H4C3: variants seen among roughly 807,000 people sequenced by gnomAD.
The protein encoded by H4C3 is H4 clustered histone 3.
Under a neutral mutation model 5.3 loss-of-function variants are expected in H4C3, and 10 were observed. That is an observed-to-expected ratio of 1.87 (90% CI 1.16 to 3.18). The LOEUF is 3.18. Among genes scored for constraint, H4C3 ranks in the 30% most tolerant of loss-of-function variants. The pLI is 0.00. For missense variants in H4C3, 191 were observed against 152.5 expected, an observed-to-expected ratio of 1.25 and a Z score of -1.33; for synonymous variants, 133 against 56.8, an observed-to-expected ratio of 2.34 and a Z score of -6.03.
At position 26,104,098 on chromosome 6, in the gene H4C3, A is replaced by T; in HGVS notation, c.151A>T (p.Ile51Phe). The T allele has an allele frequency of 6.2e-7, 1 of 1,614,124 alleles. No individual in the cohort carries two copies. ...RGGVKRISGL[I>F]YEETRGVLKV... ...TGGCGTCAAGCGCATTTCCGGTCTTATCTATGAGGAGACTCGAGGTGTGCT... is the reference window on the plus strand; with the variant it reads ...TGGCGTCAAGCGCATTTCCGGTCTTTTCTATGAGGAGACTCGAGGTGTGCT... The change falls in exon 1 of 1, where the codon ATC (isoleucine) becomes TTC (phenylalanine). Residue 51 changes from isoleucine (I) to phenylalanine (F), a missense_variant. By Grantham distance (21) the Ile-to-Phe change is conservative (BLOSUM62 0). Coordinates refer to ENST00000377803, the MANE Select transcript of H4C3 (RefSeq NM_003542.4).
In H4C3 at chr6:26,104,191, G is replaced by A; in HGVS notation, c.244G>A (p.Val82Ile). The A allele has an allele frequency of 6.2e-7, 1 of 1,614,122 alleles. No individual in the cohort carries two copies. The highest frequency in any genetic ancestry group is 1.7e-5 in the Admixed American group (1 of 60,030). Residue 82 changes from valine to isoleucine, a missense_variant, in exon 1 of 1, where the codon GTC (valine) becomes ATC (isoleucine). By Grantham distance (29) the Val-to-Ile change is conservative (BLOSUM62 3). Transcript: ENST00000377803. ...TYTEHAKRKT[V>I]TAMDVVYALK... is the part of the protein sequence containing the mutation. The stretch of plus-strand genomic sequence containing the variant: ...TACGGAGCACGCCAAGCGCAAAACT[G>A]TCACAGCCATGGATGTAGTATATGC...
rs1763194582 is a variant in H4C3, at chr6:26,104,048, C to G, written c.101C>G (p.Ala34Gly). 1.2e-6 allele frequency: 2 copies of G among 1,614,064 alleles called. No individual in the cohort carries two copies. The highest frequency in any genetic ancestry group is 1.7e-6 in the Non-Finnish European group (2 of 1,180,042). The change falls in exon 1 of 1, where the codon GCT becomes GGT. Residue 34 changes from alanine to glycine, a missense_variant. Ala to Gly is a moderately conservative substitution (Grantham distance 60, BLOSUM62 0). Coordinates refer to ENST00000377803, the MANE Select transcript of H4C3 (RefSeq NM_003542.4). The part of the protein sequence containing the change: ...RDNIQGITKP[A>G]IRRLARRGGV... ...AACATCCAGGGCATTACAAAACCGG[C>G]TATTCGCCGTTTGGCTCGGCGCGGT... is the stretch of plus-strand genomic sequence containing the variant.
chr6:26,104,203 G>C lies in H4C3; in HGVS notation c.256G>C (p.Asp86His), dbSNP rs760454062. Residue 86 changes from aspartate (D) to histidine (H), a missense_variant, in exon 1 of 1, where the codon GAT becomes CAT. By Grantham distance (81) the Asp-to-His change is moderately conservative. Transcript: ENST00000377803. ...HAKRKTVTAM[D>H]VVYALKRQGR... is the part of the protein sequence containing the mutation. Reference sequence around the variant, plus strand: ...CAAGCGCAAAACTGTCACAGCCATGGATGTAGTATATGCCCTAAAACGTCA... The same window carrying C: ...CAAGCGCAAAACTGTCACAGCCATGCATGTAGTATATGCCCTAAAACGTCA... 1.9e-6 allele frequency: 3 copies of C among 1,614,114 alleles called. No individual in the cohort carries two copies. Among genetic ancestry groups the C allele is most frequent in the Non-Finnish European group, 2.5e-6 (3 of 1,179,974 alleles).
chr6:26,103,992 T>C lies in H4C3; in HGVS notation c.45T>C (p.Gly15=). 1 of 1,613,846 alleles carries C rather than the reference T, an allele frequency of 6.2e-7. No homozygotes were observed. The highest frequency in any genetic ancestry group is 1.7e-5 in the Admixed American group (1 of 60,024). The change falls in exon 1 of 1, where the codon GGT becomes GGC. Residue 15 remains glycine, a synonymous_variant. Transcript: ENST00000377803. ...GKGGKGLGKG[G]AKRHRKVLRD... ...GCGGAAAAGGCTTGGGGAAGGGTGGTGCTAAGCGCCATCGTAAGGTGCTCC... is the reference window on the plus strand; with the variant it reads ...GCGGAAAAGGCTTGGGGAAGGGTGGCGCTAAGCGCCATCGTAAGGTGCTCC...
chr6:26,104,336 C>A lies in H4C3; in HGVS notation c.*77C>A, dbSNP rs757363451. The A allele has an allele frequency of 2.0e-5, 26 of 1,330,618 alleles. No homozygotes were observed. Among genetic ancestry groups the A allele is most frequent in the Middle Eastern group, 2.5e-4 (1 of 3,988 alleles). The allele number at this position is 1,330,618 out of a possible 1,614,324, so 82.4% of individuals were successfully genotyped here. ...CCCAAAGGCCCTTTTCAGGGCCGCT[C>A]ACAAAGTCGTTTAAAGAGCTGAAAT... On this transcript the variant is annotated 3_prime_UTR_variant, in exon 1 of 1. Coordinates refer to ENST00000377803, the MANE Select transcript of H4C3 (RefSeq NM_003542.4).
In H4C3 at chr6:26,104,104, G is replaced by A; in HGVS notation, c.157G>A (p.Glu53Lys). The A allele has an allele frequency of 6.2e-7, 1 of 1,614,160 alleles. No individual in the cohort carries two copies. The highest frequency in any genetic ancestry group is 8.5e-7 in the Non-Finnish European group (1 of 1,180,042). Residue 53 changes from glutamate to lysine, a missense_variant, in exon 1 of 1, where the codon GAG (glutamate) becomes AAG (lysine). Coordinates refer to ENST00000377803, the MANE Select transcript of H4C3 (RefSeq NM_003542.4). ...CAAGCGCATTTCCGGTCTTATCTATGAGGAGACTCGAGGTGTGCTTAAGGT... is the reference window on the plus strand; with the variant it reads ...CAAGCGCATTTCCGGTCTTATCTATAAGGAGACTCGAGGTGTGCTTAAGGT... ...GVKRISGLIY[E>K]ETRGVLKVFL...
Position 26,104,160 on chromosome 6 carries a change from C to A in H4C3, c.213C>A (p.Val71=), listed in dbSNP as rs777994526. The A allele has an allele frequency of 6.2e-7, 1 of 1,614,030 alleles. No individual in the cohort carries two copies. The highest frequency in any genetic ancestry group is 1.3e-5 in the African/African-American group (1 of 74,904). Residue 71 remains valine (V), a synonymous_variant, in exon 1 of 1, where the codon GTC becomes GTA. Transcript: ENST00000377803. ...TAGAGAACGTTATTCGAGACGCCGT[C>A]ACCTATACGGAGCACGCCAAGCGCA... The part of the protein sequence containing the change: ...VFLENVIRDA[V]TYTEHAKRKT...
Position 26,104,132 on chromosome 6 carries a change from TC to T in H4C3, c.186del (p.Leu63Ter), listed in dbSNP as rs1362036886. ...YEETRGVLKV[F>X]LENVIRDAVT... ...GAGACTCGAGGTGTGCTTAAGGTTT[TC>T]TTAGAGAACGTTATTCGAGACGCCG... is the stretch of plus-strand genomic sequence containing the variant. On this transcript the variant is annotated frameshift_variant, in exon 1 of 1. Transcript: ENST00000377803. LOFTEE classifies it high-confidence loss of function. 6.2e-7 allele frequency: 1 copy of T among 1,614,140 alleles called. No individual in the cohort carries two copies. Among genetic ancestry groups the T allele is most frequent in the Non-Finnish European group, 8.5e-7 (1 of 1,180,012 alleles).
At position 26,104,029 on chromosome 6, in the gene H4C3, C is replaced by CA; in HGVS notation, c.83dup (p.Ile30HisfsTer24). On this transcript the variant is annotated frameshift_variant, in exon 1 of 1. Transcript: ENST00000377803. LOFTEE classifies it high-confidence loss of function. ...TCGTAAGGTGCTCCGGGATAACATC[C>CA]AGGGCATTACAAAACCGGCTATTCG... 6.2e-7 allele frequency: 1 copy of CA among 1,614,168 alleles called. No homozygotes were observed. Among genetic ancestry groups the CA allele is most frequent in the Non-Finnish European group, 8.5e-7 (1 of 1,180,030 alleles).
At position 26,104,319 on chromosome 6, in the gene H4C3, C is replaced by T. The variant is rs1434419574; in HGVS notation, c.*60C>T. The T allele has an allele frequency of 6.2e-6, 9 of 1,457,864 alleles. No individual in the cohort carries two copies. In the Admixed American group the frequency reaches 7.0e-5, roughly 11 times the overall value. The allele number at this position is 1,457,864 out of a possible 1,614,324, so 90.3% of individuals were successfully genotyped here. ...AAACAAAAACAAAAAAACCCAAAGG[C>T]CCTTTTCAGGGCCGCTCACAAAGTC... On this transcript the variant is annotated 3_prime_UTR_variant, in exon 1 of 1. Coordinates refer to ENST00000377803, the MANE Select transcript of H4C3 (RefSeq NM_003542.4).
Position 26,104,262 on chromosome 6 carries a change from C to CT in H4C3, c.*4dup, listed in dbSNP as rs1763201240. On this transcript the variant is annotated 3_prime_UTR_variant, in exon 1 of 1. Coordinates refer to ENST00000377803, the MANE Select transcript of H4C3 (RefSeq NM_003542.4). ...CTCTGTATGGCTTCGGCGGCTGAAT[C>CT]TAAGAATACGCGGTCTCCTGAGAAC... The CT allele has an allele frequency of 1.3e-6, 2 of 1,583,346 alleles. No individual in the cohort carries two copies. The highest frequency in any genetic ancestry group is 1.7e-6 in the Non-Finnish European group (2 of 1,160,580).
At position 26,104,094 on chromosome 6, in the gene H4C3, T is replaced by G. The variant is rs762794238; in HGVS notation, c.147T>G (p.Gly49=). 1 of 1,614,006 alleles carries G rather than the reference T, an allele frequency of 6.2e-7. No individual in the cohort carries two copies. Residue 49 remains glycine (G), a synonymous_variant, in exon 1 of 1, where the codon GGT becomes GGG. Coordinates refer to ENST00000377803, the MANE Select transcript of H4C3 (RefSeq NM_003542.4). ...GCGGTGGCGTCAAGCGCATTTCCGGTCTTATCTATGAGGAGACTCGAGGTG... is the reference window on the plus strand; with the variant it reads ...GCGGTGGCGTCAAGCGCATTTCCGGGCTTATCTATGAGGAGACTCGAGGTG... ...ARRGGVKRIS[G]LIYEETRGVL...
rs778987751 is a variant in H4C3 at position 26,104,150 on chromosome 6, G to C, written c.203G>C (p.Arg68Pro). Residue 68 changes from arginine to proline, a missense_variant, in exon 1 of 1, where the codon CGA becomes CCA. Transcript: ENST00000377803. The part of the protein sequence containing the change: ...VLKVFLENVI[R>P]DAVTYTEHAK... ...AAGGTTTTCTTAGAGAACGTTATTC[G>C]AGACGCCGTCACCTATACGGAGCAC... 2.5e-6 allele frequency: 4 copies of C among 1,614,114 alleles called. No homozygotes were observed. The highest frequency in any genetic ancestry group is 3.4e-6 in the Non-Finnish European group (4 of 1,180,022).
chr6:26,103,991 G>A lies in H4C3; in HGVS notation c.44G>A (p.Gly15Asp). The A allele has an allele frequency of 1.9e-6, 3 of 1,613,802 alleles. No homozygotes were observed. Among genetic ancestry groups the A allele is most frequent in the Non-Finnish European group, 2.5e-6 (3 of 1,179,718 alleles). ...GGCGGAAAAGGCTTGGGGAAGGGTGGTGCTAAGCGCCATCGTAAGGTGCTC... is the reference window on the plus strand; with the variant it reads ...GGCGGAAAAGGCTTGGGGAAGGGTGATGCTAAGCGCCATCGTAAGGTGCTC... ...GKGGKGLGKG[G>D]AKRHRKVLRD... is the part of the protein sequence containing the mutation. Residue 15 changes from glycine (G) to aspartate (D), a missense_variant, in exon 1 of 1, where the codon GGT becomes GAT. Gly to Asp is a moderately conservative substitution (Grantham distance 94, BLOSUM62 -1). Transcript: ENST00000377803.
rs1362642636 is a variant in H4C3 at position 26,104,312 on chromosome 6, C to G, written c.*53C>G. ...CTTCAAAAAACAAAAACAAAAAAAC[C>G]CAAAGGCCCTTTTCAGGGCCGCTCA... is the stretch of plus-strand genomic sequence containing the variant. On this transcript the variant is annotated 3_prime_UTR_variant, in exon 1 of 1. Coordinates refer to ENST00000377803, the MANE Select transcript of H4C3 (RefSeq NM_003542.4). 1.3e-6 allele frequency: 2 copies of G among 1,493,632 alleles called. No individual in the cohort carries two copies. Among genetic ancestry groups the G allele is most frequent in the African/African-American group, 2.8e-5 (2 of 70,970 alleles). The allele number at this position is 1,493,632 out of a possible 1,614,324, so 92.5% of individuals were successfully genotyped here.
chr6:26,104,337 A>C lies in H4C3; in HGVS notation c.*78A>C. Reference sequence around the variant, plus strand: ...CCAAAGGCCCTTTTCAGGGCCGCTCACAAAGTCGTTTAAAGAGCTGAAATG... The same window carrying C: ...CCAAAGGCCCTTTTCAGGGCCGCTCCCAAAGTCGTTTAAAGAGCTGAAATG... On this transcript the variant is annotated 3_prime_UTR_variant, in exon 1 of 1. Coordinates refer to ENST00000377803, the MANE Select transcript of H4C3 (RefSeq NM_003542.4). 7.5e-7 allele frequency: 1 copy of C among 1,325,694 alleles called. No homozygotes were observed. 82.1% of individuals were successfully genotyped at this position (1,325,694 alleles called of 1,614,324 possible).
Position 26,104,239 on chromosome 6 carries a change from C to CTG in H4C3, c.294_295dup (p.Tyr99CysfsTer?), listed in dbSNP as rs765041516. 37 of 1,599,142 alleles carry CTG rather than the reference C, an allele frequency of 2.3e-5. No individual in the cohort carries two copies. The highest frequency in any genetic ancestry group is 2.9e-5 in the Non-Finnish European group (34 of 1,168,554). On this transcript the variant is annotated frameshift_variant, in exon 1 of 1. Coordinates refer to ENST00000377803, the MANE Select transcript of H4C3 (RefSeq NM_003542.4). LOFTEE classifies it high-confidence loss of function. The stretch of plus-strand genomic sequence containing the variant: ...TGCCCTAAAACGTCAGGGGCGCACT[C>CTG]TGTATGGCTTCGGCGGCTGAATCTA...
At position 26,104,309 on chromosome 6, in the gene H4C3, A is replaced by C. The variant is rs774330776; in HGVS notation, c.*50A>C. On this transcript the variant is annotated 3_prime_UTR_variant, in exon 1 of 1. Coordinates refer to ENST00000377803, the MANE Select transcript of H4C3 (RefSeq NM_003542.4). ...GAACTTCAAAAAACAAAAACAAAAA[A>C]ACCCAAAGGCCCTTTTCAGGGCCGC... 6 of 1,502,784 alleles carry C rather than the reference A, an allele frequency of 4.0e-6. No homozygotes were observed. The highest frequency in any genetic ancestry group is 2.0e-4 in the Middle Eastern group (1 of 4,992). The allele number at this position is 1,502,784 out of a possible 1,614,324, so 93.1% of individuals were successfully genotyped here. A position where few individuals can be genotyped will look rare whatever the true frequency, so the allele number is the denominator to read the frequency against.
chr6:26,104,131 TTC>T lies in H4C3; in HGVS notation c.186_187del (p.Leu63ArgfsTer?), dbSNP rs771139472. 2 of 1,614,156 alleles carry T rather than the reference TTC, an allele frequency of 1.2e-6. No homozygotes were observed. The highest frequency in any genetic ancestry group is 1.7e-6 in the Non-Finnish European group (2 of 1,180,018). Reference sequence around the variant, plus strand: ...GGAGACTCGAGGTGTGCTTAAGGTTTTCTTAGAGAACGTTATTCGAGACGCCG... The same window carrying T: ...GGAGACTCGAGGTGTGCTTAAGGTTTTTAGAGAACGTTATTCGAGACGCCG... ...YEETRGVLKV[F>X]LENVIRDAVT... is the part of the protein sequence containing the mutation. On this transcript the variant is annotated frameshift_variant, in exon 1 of 1. Coordinates refer to ENST00000377803, the MANE Select transcript of H4C3 (RefSeq NM_003542.4). LOFTEE classifies it high-confidence loss of function.
Sources: gnomAD v4.1 joint callset for allele counts on GRCh38, gnomAD v4.1.1 for gene constraint, MANE v1.5 for transcripts, NCBI Gene and HGNC (gene_info 2026-07-23, HGNC 2026-07-21) for gene names.